Variants in RORB observed in about 807,000 individuals in gnomAD.
RORB encodes the protein nuclear receptor ROR-beta.
RORB carries 6 observed loss-of-function variants against 59.1 expected under a neutral mutation model. The ratio of observed to expected loss-of-function variants is 0.10; its 90% CI spans 0.06 to 0.20. The LOEUF is 0.20. RORB is among the 10% of genes least tolerant of loss of function. RORB has a pLI of 1.00. For missense variants in RORB, 320 were observed against 560.5 expected (o/e 0.57, Z 4.33); for synonymous variants, 215 against 204.5 (o/e 1.05, Z -0.44).
At chr9:74,667,653 T>A in intron 7 of RORB, 138 bp from the exon 8 acceptor site, 2 of 565,042 alleles carry the variant, frequency 3.5e-6, no homozygotes, top group Non-Finnish European at 3.1e-6. Context: ...CTTTTTATAA[T>A]TAGAAACTTA....
intron 1 of RORB, among the ~76,000 whole-genome samples, chr9:74,567,184 C>A (rs1302439017): frequency 6.6e-6 from 1 of 152,046 alleles, no homozygotes; most frequent in Non-Finnish European, 1.5e-5. Context: ...CACCACCACA[C>A]CCGGCTAATT....
chr9:74,624,469 T>C (rs1823474447), intron 1 of RORB, among the ~76,000 whole-genome samples: 1 of 152,208 alleles, frequency 6.6e-6, no homozygotes, highest in Admixed American at 6.5e-5. Context: ...TCTAGCATGG[T>C]ATAGCGGCCG....
chr9:74,665,317 G>T (rs189856965), intron 6 of RORB, among the ~76,000 whole-genome samples, 171 bp from the exon 7 acceptor site: 4 of 152,022 alleles, frequency 2.6e-5, no homozygotes, highest in African/African-American at 9.6e-5. Flanking sequence ...TATTTTAGGG[G>T]AAGGAACTTA....
At chr9:74,500,626 A>C (rs1359206222) in intron 1 of RORB, among the ~76,000 whole-genome samples, 1 of 152,094 alleles carries the variant, frequency 6.6e-6, no homozygotes, top group Non-Finnish European at 1.5e-5. Flanking sequence ...GTCCTGAATC[A>C]GGGCGCTTTG....
chr9:74,501,177 C>A (rs1007435243), intron 1 of RORB, among the ~76,000 whole-genome samples: 1 of 151,934 alleles, frequency 6.6e-6, no homozygotes, highest in Non-Finnish European at 1.5e-5. Flanking sequence ...TCGTCGCAAT[C>A]AATAGGTGAT....
At chr9:74,584,399 T>C (rs1822767600) in intron 1 of RORB, among the ~76,000 whole-genome samples, 1 of 152,224 alleles carries the variant, frequency 6.6e-6, no homozygotes, top group South Asian at 2.1e-4. Context: ...GGTATTATGA[T>C]AGCATAATTA....
intron 1 of RORB, among the ~76,000 whole-genome samples, chr9:74,524,681 TA>T (rs1826132164): frequency 6.6e-6 from 1 of 151,936 alleles, no homozygotes; most frequent in Non-Finnish European, 1.5e-5. Flanking sequence ...CCTTGTCGGG[TA>T]ATCAAAGCTT....
chr9:74,667,577 T>C (rs548663935), intron 7 of RORB, among the ~76,000 whole-genome samples: 1 of 152,214 alleles, frequency 6.6e-6, no homozygotes, highest in African/African-American at 2.4e-5. Flanking sequence ...TGGTAGGTAA[T>C]GTTAACTTGG....
intron 1 of RORB, among the ~76,000 whole-genome samples, chr9:74,577,191 A>G (rs1464330184): frequency 1.3e-5 from 2 of 152,018 alleles, no homozygotes; most frequent in Non-Finnish European, 2.9e-5. Flanking sequence ...TTTTCTCTCT[A>G]TGTTCATCAG....
intron 1 of RORB, among the ~76,000 whole-genome samples, chr9:74,602,550 A>G (rs1823082355): frequency 6.6e-6 from 1 of 152,222 alleles, no homozygotes; most frequent in Non-Finnish European, 1.5e-5. Context: ...ACAAGTGACG[A>G]TCCGTCCTTG....
At chr9:74,530,464 T>C (rs1298130602) in intron 1 of RORB, among the ~76,000 whole-genome samples, 2 of 152,018 alleles carry the variant, frequency 1.3e-5, no homozygotes, top group Non-Finnish European at 2.9e-5. Flanking sequence ...ATTTGGTCTT[T>C]CTTGTCAGGT....
intron 9 of RORB, among the ~76,000 whole-genome samples, chr9:74,680,575 T>G (rs1487268618): frequency 6.6e-6 from 1 of 152,124 alleles, no homozygotes; most frequent in Non-Finnish European, 1.5e-5. Flanking sequence ...GGGGTCAGGA[T>G]TGTGGGGGCA....
At chr9:74,615,827 AAGAT>A (rs1282846970) in intron 1 of RORB, among the ~76,000 whole-genome samples, 2 of 152,322 alleles carry the variant, frequency 1.3e-5, no homozygotes, top group Admixed American at 1.3e-4. Flanking sequence ...TACACTGGAG[AAGAT>A]ATTTATATAT....
intron 1 of RORB, among the ~76,000 whole-genome samples, chr9:74,573,427 T>C (rs940336876): frequency 2.1e-5 from 3 of 145,948 alleles, no homozygotes; most frequent in Non-Finnish European, 4.5e-5. Flanking sequence ...CTAAGCTTGA[T>C]GTGACAACCT....
At chr9:74,508,760 CA>C (rs1349667322) in intron 1 of RORB, among the ~76,000 whole-genome samples, 1 of 151,896 alleles carries the variant, frequency 6.6e-6, no homozygotes, top group Non-Finnish European at 1.5e-5. Flanking sequence ...CTCAAATGTC[CA>C]ATATTGATTA....
intron 6 of RORB, among the ~76,000 whole-genome samples, chr9:74,664,319 T>C (rs1824234944): frequency 6.6e-6 from 1 of 152,162 alleles, no homozygotes; most frequent in African/African-American, 2.4e-5. Context: ...TAACTAAGAC[T>C]CAGATATAAC....
chr9:74,562,562 T>C (rs1331599242), intron 1 of RORB, among the ~76,000 whole-genome samples: 1 of 152,200 alleles, frequency 6.6e-6, no homozygotes. Flanking sequence ...CCTGATGTAC[T>C]AGGAAGCTGA....
At chr9:74,558,402 C>T (rs1195281110) in intron 1 of RORB, among the ~76,000 whole-genome samples, 1 of 152,140 alleles carries the variant, frequency 6.6e-6, no homozygotes, top group Admixed American at 6.6e-5. Context: ...CCAGTTTTCC[C>T]TCTTTCACTA....
At chr9:74,620,673 G>A (rs1363389167) in intron 1 of RORB, among the ~76,000 whole-genome samples, 3 of 152,240 alleles carry the variant, frequency 2.0e-5, no homozygotes, top group Non-Finnish European at 2.9e-5. Flanking sequence ...GCTTTCTCTT[G>A]TGGGCATTTA....
Sources: allele counts gnomAD v4.1 joint callset (sites outside exome capture counted in the v4.1 genomes callset), GRCh38; gene constraint gnomAD v4.1.1; transcripts MANE v1.5; gene names NCBI Gene and HGNC (gene_info 2026-07-23, HGNC 2026-07-21).